Variants in KLK13 observed in about 807,000 individuals in gnomAD.
KLK13 encodes kallikrein related peptidase 13, also known as kallikrein-13.
Under a neutral mutation model 22.4 loss-of-function variants are expected in KLK13, and 19 were observed. That is an observed-to-expected ratio of 0.85 (90% confidence interval 0.59 to 1.24). KLK13 has a LOEUF of 1.24. Among genes scored for constraint, KLK13 ranks in the 50% most tolerant of loss-of-function variants. The pLI, the probability that KLK13 is intolerant of heterozygous loss-of-function variation, is 0.00. For synonymous variants in KLK13, 156 were observed against 141.8 expected, an observed-to-expected ratio of 1.10 and a Z score of -0.71; for missense variants, 311 against 347.9, an observed-to-expected ratio of 0.89 and a Z score of 0.84.
In KLK13 at chr19:51,058,499, C is replaced by G. The variant is rs1324617001; in HGVS notation, c.645+39G>C. 6.2e-6 allele frequency: 10 copies of G among 1,612,524 alleles called. No homozygotes were observed. In the Middle Eastern group the frequency reaches 1.2e-3, roughly 196 times the overall value. Reference sequence around the variant, plus strand: ...CATCTGTCACTTCCATTCTGGCTTTCTATCCTGTCCAAGGCACCCACCAGC... The same window carrying G: ...CATCTGTCACTTCCATTCTGGCTTTGTATCCTGTCCAAGGCACCCACCAGC... On this transcript the variant is annotated intron_variant, in intron 4 of 4. Coordinates refer to ENST00000595793, the MANE Select transcript of KLK13 (RefSeq NM_015596.3).
chr19:51,065,260 C>T, upstream of KLK13: 1 of 519,176 alleles, frequency 1.9e-6, no homozygotes, highest in South Asian at 2.7e-5. Flanking sequence ...GGTGGGGGTG[C>T]AGTGGCGAGG....
At chr19:51,060,893 G>A (rs1412327707) in intron 1 of KLK13, among the ~76,000 whole-genome samples, 1 of 152,136 alleles carries the variant, frequency 6.6e-6, no homozygotes, top group African/African-American at 2.4e-5. Flanking sequence ...TAGGTAAGCA[G>A]GAGCCTGACT....
intron 1 of KLK13, chr19:51,064,487 CAAAAAA>C (rs35554667): frequency 1.1e-3 from 171 of 158,344 alleles, no homozygotes; most frequent in Middle Eastern, 3.0e-3. Context: ...GGTTCCATCT[CAAAAAA>C]AAAAAAAAAA....
At position 51,060,056 on chromosome 19, in the gene KLK13, G is replaced by T. The variant is rs769525192; in HGVS notation, c.277C>A (p.Arg93Ser). The T allele has an allele frequency of 1.9e-6, 3 of 1,613,564 alleles. No individual in the cohort carries two copies. The highest frequency in any genetic ancestry group is 2.5e-6 in the Non-Finnish European group (3 of 1,179,804). Residue 93 changes from arginine to serine, a missense_variant, in exon 3 of 5, where the codon CGT (arginine) becomes AGT (serine). Arg to Ser is a moderately radical substitution (Grantham distance 110). Transcript: ENST00000595793. ...KVYLGKHALG[R>S]VEAGEQVREV... ...CTCACCTGCTCACCAGCTTCCACAC[G>T]CCCTAGGGCGTGCTTGCCTAGGTAA...
At chr19:51,058,839 C>T (rs539552195) in intron 3 of KLK13, among the ~76,000 whole-genome samples, 165 bp from the exon 4 acceptor site, 1 of 151,680 alleles carries the variant, frequency 6.6e-6, no homozygotes, top group Non-Finnish European at 1.5e-5. Context: ...ACGGAAGTGA[C>T]AGAAATATGG....
At chr19:51,056,851 G>T in intron 4 of KLK13, 76 bp from the exon 5 acceptor site, 3 of 1,133,734 alleles carry the variant, frequency 2.6e-6, no homozygotes, top group Non-Finnish European at 3.9e-6. Context: ...GGAGGTGTGG[G>T]GAGAGAGTGA....
upstream of KLK13, among the ~76,000 whole-genome samples, chr19:51,065,514 C>CT (rs1186016558): frequency 6.6e-6 from 1 of 152,126 alleles, no homozygotes; most frequent in Non-Finnish European, 1.5e-5. Context: ...AGATCTGAGA[C>CT]TCTAGCTTCA....
At chr19:51,061,303 T>C (rs567041928) in intron 1 of KLK13, among the ~76,000 whole-genome samples, 1 of 152,226 alleles carries the variant, frequency 6.6e-6, no homozygotes, top group South Asian at 2.1e-4. Flanking sequence ...TCCACCCATC[T>C]CTCTATCCTT....
chr19:51,062,615 C>T (rs763198146), intron 1 of KLK13, among the ~76,000 whole-genome samples: 12 of 152,034 alleles, frequency 7.9e-5, no homozygotes, highest in East Asian at 1.9e-4. Context: ...AGCAGGGGTC[C>T]GTGGGACAGG....
Position 51,063,663 on chromosome 19 carries a change from C to T in KLK13, c.52+1353G>A, listed in dbSNP as rs183577256. 1,097 of 456,678 alleles carry T rather than the reference C, an allele frequency of 2.4e-3. 7 individuals are homozygous for T. The highest frequency in any genetic ancestry group is 0.019 in the African/African-American group (956 of 50,162). The allele number at this position is 456,678 out of a possible 1,614,324, so 28.3% of individuals were successfully genotyped here. A position where few individuals can be genotyped will look rare whatever the true frequency, so the allele number is the denominator to read the frequency against. On this transcript the variant is annotated intron_variant, in intron 1 of 4. Transcript: ENST00000595793. The stretch of plus-strand genomic sequence containing the variant: ...TAGGGTGTGGCACTCAGGAGTGGCA[C>T]GGGCATGAATCCAGGGAGTGTCGCC...
chr19:51,063,521 G>A (rs1223487422), intron 1 of KLK13: 8 of 379,540 alleles, frequency 2.1e-5, no homozygotes, highest in South Asian at 1.6e-4. Context: ...ATTGGAGCAG[G>A]AGCCTTCTGT....
intron 4 of KLK13, 132 bp downstream of exon 4, chr19:51,058,406 A>G: frequency 9.4e-7 from 1 of 1,062,238 alleles, no homozygotes. Flanking sequence ...TTGACCTCCT[A>G]TGTGAGGGGA....
At chr19:51,063,960 T>C in intron 1 of KLK13, 1 of 407,888 alleles carries the variant, frequency 2.5e-6, no homozygotes, top group South Asian at 1.8e-5. Context: ...GCAGGGACTG[T>C]GTCTCTGCTT....
chr19:51,064,915 G>T, intron 1 of KLK13, 101 bp downstream of exon 1: 2 of 955,338 alleles, frequency 2.1e-6, no homozygotes, highest in South Asian at 1.7e-5. Context: ...GAGTGGGCGG[G>T]GGGCGGAGCT....
chr19:51,060,384 C>T (rs373796858), intron 2 of KLK13, 49 bp downstream of exon 2: 1 of 1,518,870 alleles, frequency 6.6e-7, no homozygotes, highest in Non-Finnish European at 8.9e-7. Flanking sequence ...CATCCACAAT[C>T]CCAGTCCCAT....
intron 4 of KLK13, among the ~76,000 whole-genome samples, 159 bp from the exon 5 acceptor site, chr19:51,056,934 G>T (rs944065982): frequency 6.6e-6 from 1 of 152,150 alleles, no homozygotes; most frequent in Non-Finnish European, 1.5e-5. Flanking sequence ...GTGAGAGAAA[G>T]CAATGAAGAC....
chr19:51,060,055 C>G lies in KLK13; in HGVS notation c.278G>C (p.Arg93Pro). The G allele has an allele frequency of 1.9e-6, 3 of 1,613,700 alleles. No individual in the cohort carries two copies. The South Asian group carries it at 3.3e-5, about 18-fold the overall frequency. Reference sequence around the variant, plus strand: ...CCTCACCTGCTCACCAGCTTCCACACGCCCTAGGGCGTGCTTGCCTAGGTA... The same window carrying G: ...CCTCACCTGCTCACCAGCTTCCACAGGCCCTAGGGCGTGCTTGCCTAGGTA... Reference protein sequence around the residue: ...KVYLGKHALGRVEAGEQVREV... With the variant: ...KVYLGKHALGPVEAGEQVREV... Residue 93 changes from arginine (R) to proline (P), a missense_variant, in exon 3 of 5, where the codon CGT (arginine) becomes CCT (proline). Arg to Pro is a moderately radical substitution (Grantham distance 103). Coordinates refer to ENST00000595793, the MANE Select transcript of KLK13 (RefSeq NM_015596.3).
intron 4 of KLK13, among the ~76,000 whole-genome samples, chr19:51,057,982 C>G (rs1375107738): frequency 6.6e-6 from 1 of 152,206 alleles, no homozygotes; most frequent in Non-Finnish European, 1.5e-5. Flanking sequence ...TAGTGAGAAT[C>G]ATGCTTAAGA....
chr19:51,060,038 G>GC lies in KLK13; in HGVS notation c.294dup (p.Gln99AlafsTer13), dbSNP rs1185692429. ...ATAGAGTGGACAACTTCCCTCACCT[G>GC]CTCACCAGCTTCCACACGCCCTAGG... On this transcript the variant is annotated frameshift_variant, in exon 3 of 5. Coordinates refer to ENST00000595793, the MANE Select transcript of KLK13 (RefSeq NM_015596.3). LOFTEE classifies it high-confidence loss of function. 1 of 1,613,784 alleles carries GC rather than the reference G, an allele frequency of 6.2e-7. No homozygotes were observed. Among genetic ancestry groups the GC allele is most frequent in the Admixed American group, 1.7e-5 (1 of 59,990 alleles).
Sources: gnomAD v4.1 joint callset for allele counts (sites outside exome capture counted in the v4.1 genomes callset) on GRCh38, gnomAD v4.1.1 for gene constraint, MANE v1.5 for transcripts, NCBI Gene and HGNC (gene_info 2026-07-23, HGNC 2026-07-21) for gene names.